The following TENM1 variants were observed in gnomAD, a reference collection of about 807,000 sequenced individuals.
The protein encoded by TENM1 is teneurin transmembrane protein 1.
A neutral mutation model predicts 174.8 loss-of-function variants in TENM1; 35 were observed. The observed-to-expected ratio is 0.20, with a 90% CI of 0.15 to 0.27. The LOEUF (loss-of-function observed/expected upper bound fraction) is 0.27, where lower values mean the gene tolerates loss of function less well. TENM1 is among the 10% of genes least tolerant of loss of function. The probability of loss-of-function intolerance (pLI) is 1.00; values close to 1 mark genes in which losing one functional copy is unlikely to be tolerated. For synonymous variants in TENM1, 781 were observed against 798.7 expected (o/e 0.98, Z 0.37); for missense variants, 1,633 against 2,130.1 (o/e 0.77, Z 4.59).
chrX:125,144,179 T>C, the TENM1 span, among the ~76,000 whole-genome samples: 1 of 111,652 alleles, frequency 9.0e-6, no homozygotes, highest in African/African-American at 3.3e-5. Context: ...ATTCACATTG[T>C]ATGCCTCTCT....
At chrX:124,841,914 G>C (rs138461993) in intron 3 of TENM1, among the ~76,000 whole-genome samples, 1 of 112,281 alleles carries the variant, frequency 8.9e-6, no homozygotes, top group South Asian at 3.7e-4. Flanking sequence ...CATAATCACC[G>C]TAGGTTGGCT....
chrX:124,690,715 C>G (rs2052498411), intron 5 of TENM1, among the ~76,000 whole-genome samples: 1 of 110,386 alleles, frequency 9.1e-6, no homozygotes, highest in Non-Finnish European at 1.9e-5. Context: ...TCTACTAGTT[C>G]TTGCAAGTGC....
the TENM1 span, among the ~76,000 whole-genome samples, chrX:125,074,971 A>G: frequency 8.9e-6 from 1 of 112,024 alleles, no homozygotes; most frequent in Non-Finnish European, 1.9e-5. Flanking sequence ...TTACAGCTTT[A>G]TTGAAATATA....
the TENM1 span, among the ~76,000 whole-genome samples, chrX:125,161,804 A>G: frequency 1.8e-5 from 2 of 112,368 alleles, no homozygotes; most frequent in East Asian, 5.6e-4. Flanking sequence ...TTGTATTTCA[A>G]TAAAGCTAAT....
intron 27 of TENM1, among the ~76,000 whole-genome samples, chrX:124,396,685 G>T: frequency 9.0e-6 from 1 of 111,049 alleles, no homozygotes; most frequent in Non-Finnish European, 1.9e-5. Flanking sequence ...CCTACTACTG[G>T]GTTTGTGGGC....
At chrX:124,452,975 C>T (rs2061060382) in intron 23 of TENM1, among the ~76,000 whole-genome samples, 1 of 110,269 alleles carries the variant, frequency 9.1e-6, no homozygotes. Context: ...CTAACCTGCA[C>T]ATTGTGCACA....
At chrX:124,887,989 A>G (rs777274361) in intron 3 of TENM1, among the ~76,000 whole-genome samples, 1 of 112,386 alleles carries the variant, frequency 8.9e-6, no homozygotes, top group African/African-American at 3.2e-5. Context: ...TGGAAAACAA[A>G]CAAACAAATT....
intron 11 of TENM1, among the ~76,000 whole-genome samples, chrX:124,589,209 A>G (rs996219603): frequency 9.1e-6 from 1 of 109,471 alleles, no homozygotes; most frequent in African/African-American, 3.3e-5. Flanking sequence ...ATTGATTTGT[A>G]TATGTTGAAT....
At chrX:124,450,228 C>T (rs764302773) in intron 23 of TENM1, among the ~76,000 whole-genome samples, 43 of 110,578 alleles carry the variant, frequency 3.9e-4, no homozygotes, top group East Asian at 5.7e-4. Context: ...GGCGTGATGG[C>T]GGGTGCCTGT....
At chrX:125,033,491 T>C in the TENM1 span, among the ~76,000 whole-genome samples, 1 of 111,536 alleles carries the variant, frequency 9.0e-6, no homozygotes, top group South Asian at 3.8e-4. Context: ...GACAAAGCTG[T>C]GACGATACAG....
the TENM1 span, among the ~76,000 whole-genome samples, chrX:125,089,606 G>A: frequency 8.9e-6 from 1 of 111,875 alleles, no homozygotes; most frequent in African/African-American, 3.2e-5. Flanking sequence ...AACATGTCAT[G>A]TCTCTTAGTT....
chrX:124,941,897 T>C (rs928032275), intron 1 of TENM1, among the ~76,000 whole-genome samples: 7 of 111,773 alleles, frequency 6.3e-5, no homozygotes, highest in South Asian at 3.7e-4. Context: ...GCAAAAGGCA[T>C]GTCTTACATG....
chrX:124,910,192 C>T (rs1308228274), intron 1 of TENM1, among the ~76,000 whole-genome samples: 1 of 112,410 alleles, frequency 8.9e-6, no homozygotes, highest in East Asian at 2.8e-4. Flanking sequence ...TTGCAAAATG[C>T]ATTTTCCAAA....
chrX:125,195,958 T>G, the TENM1 span, among the ~76,000 whole-genome samples: 1 of 99,497 alleles, frequency 1.0e-5, no homozygotes, highest in Non-Finnish European at 2.0e-5. Flanking sequence ...ACCTTAAAAG[T>G]AGTTTAAAAA....
At chrX:125,061,338 G>A in the TENM1 span, among the ~76,000 whole-genome samples, 1 of 111,457 alleles carries the variant, frequency 9.0e-6, no homozygotes, top group African/African-American at 3.3e-5. Context: ...GCTCATGACC[G>A]TGCATGCACA....
chrX:124,449,476 A>G (rs918975378), intron 23 of TENM1, among the ~76,000 whole-genome samples: 3 of 112,462 alleles, frequency 2.7e-5, no homozygotes, highest in Admixed American at 1.9e-4. Flanking sequence ...TCTCTTTTCA[A>G]CATAACTTTT....
At chrX:125,165,498 G>A in the TENM1 span, among the ~76,000 whole-genome samples, 4 of 111,782 alleles carry the variant, frequency 3.6e-5, no homozygotes, top group African/African-American at 1.3e-4. Context: ...GCATCACAAT[G>A]ACAGGTAATG....
upstream of TENM1, among the ~76,000 whole-genome samples, chrX:124,966,553 T>G (rs1284457293): frequency 1.9e-5 from 2 of 106,568 alleles, no homozygotes; most frequent in African/African-American, 7.0e-5. Flanking sequence ...TCCCAGCTAC[T>G]CGGGAGGCTG....
At chrX:124,525,110 T>A (rs1009000017) in intron 16 of TENM1, among the ~76,000 whole-genome samples, 3 of 112,184 alleles carry the variant, frequency 2.7e-5, no homozygotes, top group Non-Finnish European at 5.6e-5. Flanking sequence ...TTTATTATAG[T>A]ATTACCAATC....
Sources: allele counts gnomAD v4.1 joint callset (sites outside exome capture counted in the v4.1 genomes callset), GRCh38; gene constraint gnomAD v4.1.1; transcripts MANE v1.5; gene names NCBI Gene and HGNC (gene_info 2026-07-23, HGNC 2026-07-21).